Variants in DDX10 observed in about 807,000 individuals in gnomAD.
DDX10 encodes the protein DEAD-box helicase 10.
Under a neutral mutation model 104.3 loss-of-function variants are expected in DDX10, and 74 were observed. The observed-to-expected ratio is 0.71, with a 90% CI of 0.59 to 0.86. The LOEUF (loss-of-function observed/expected upper bound fraction) is 0.86. DDX10 is among the 40% of genes least tolerant of loss of function. The probability of loss-of-function intolerance (pLI) is 0.00; values close to 1 mark genes in which losing one functional copy is unlikely to be tolerated. For missense variants in DDX10, 952 were observed against 1,040.0 expected (o/e 0.92, Z 1.16); for synonymous variants, 351 against 353.4 (o/e 0.99, Z 0.08).
chr11:108,872,358 G>A (rs1863094079), intron 16 of DDX10, among the ~76,000 whole-genome samples: 1 of 152,134 alleles, frequency 6.6e-6, no homozygotes, highest in Non-Finnish European at 1.5e-5. Context: ...TCTTTACTAT[G>A]TTTGGCTATT....
At chr11:108,844,002 A>G (rs1862678367) in intron 15 of DDX10, among the ~76,000 whole-genome samples, 1 of 152,218 alleles carries the variant, frequency 6.6e-6, no homozygotes, top group Non-Finnish European at 1.5e-5. Context: ...CATCATTATT[A>G]GAACACAGCA....
At chr11:108,903,469 T>C (rs1484312588) in intron 16 of DDX10, among the ~76,000 whole-genome samples, 5 of 152,128 alleles carry the variant, frequency 3.3e-5, no homozygotes, top group African/African-American at 1.2e-4. Flanking sequence ...CAGACATGAA[T>C]GAAAAATAGT....
intron 13 of DDX10, among the ~76,000 whole-genome samples, chr11:108,833,804 A>AT (rs1203546304): frequency 1.3e-5 from 2 of 151,468 alleles, no homozygotes; most frequent in Non-Finnish European, 2.9e-5. Flanking sequence ...CATTTTTCTG[A>AT]TTTTTCCCCC....
intron 13 of DDX10, among the ~76,000 whole-genome samples, chr11:108,823,975 C>T (rs550208976): frequency 1.3e-4 from 20 of 152,152 alleles, no homozygotes; most frequent in South Asian, 4.1e-4. Context: ...AGGTGTGGAT[C>T]GCTGAGATAC....
chr11:108,743,280 A>G (rs189177846), intron 13 of DDX10, among the ~76,000 whole-genome samples: 2 of 152,302 alleles, frequency 1.3e-5, no homozygotes, highest in East Asian at 1.9e-4. Context: ...AGCAAAAACC[A>G]CATGATTATC....
intron 13 of DDX10, among the ~76,000 whole-genome samples, chr11:108,764,323 C>A (rs1482041747): frequency 6.6e-6 from 1 of 152,120 alleles, no homozygotes; most frequent in African/African-American, 2.4e-5. Context: ...GGGGGAATAG[C>A]ATCTTGAGGT....
chr11:108,797,233 C>G (rs1385502737), intron 13 of DDX10, among the ~76,000 whole-genome samples: 2 of 152,102 alleles, frequency 1.3e-5, no homozygotes, highest in Non-Finnish European at 2.9e-5. Flanking sequence ...GAGGTTTCAC[C>G]ATGTTGGCCA....
intron 13 of DDX10, among the ~76,000 whole-genome samples, chr11:108,775,194 A>G (rs1308719593): frequency 6.6e-6 from 1 of 152,270 alleles, no homozygotes; most frequent in African/African-American, 2.4e-5. Flanking sequence ...TGAAGGAAAC[A>G]TTGTGAATAT....
intron 16 of DDX10, among the ~76,000 whole-genome samples, chr11:108,875,734 A>G (rs1863144900): frequency 1.3e-5 from 2 of 152,214 alleles, no homozygotes; most frequent in African/African-American, 4.8e-5. Flanking sequence ...CAGTTCATGA[A>G]GCACTTTCAC....
intron 13 of DDX10, among the ~76,000 whole-genome samples, chr11:108,770,905 T>A (rs931624424): frequency 6.6e-6 from 1 of 152,098 alleles, no homozygotes; most frequent in Non-Finnish European, 1.5e-5. Flanking sequence ...TGTTTTTAGT[T>A]TTTTTTTGTG....
intron 13 of DDX10, among the ~76,000 whole-genome samples, chr11:108,833,523 C>T (rs1402200075): frequency 6.6e-6 from 1 of 152,228 alleles, no homozygotes; most frequent in Non-Finnish European, 1.5e-5. Flanking sequence ...TAAGCCTCTT[C>T]TCACCCATGT....
rs535830512 is a variant in DDX10 at position 108,735,259 on chromosome 11, G to A, written c.1965+11797G>A. Among the ~76,000 whole-genome samples the A allele has an allele frequency of 2.8e-4, 43 of 152,310 alleles. No homozygotes were observed. In the South Asian group the frequency reaches 8.7e-3, roughly 31 times the overall value. Reference sequence around the variant, plus strand: ...GTGAAATGCCGGCTTATTAAGTGAAGACTTCATGAAGTTTTTAGAAAAATT... The same window carrying A: ...GTGAAATGCCGGCTTATTAAGTGAAAACTTCATGAAGTTTTTAGAAAAATT... On this transcript the variant is annotated intron_variant, in intron 13 of 17. Transcript: ENST00000322536.
At chr11:108,887,344 C>CT (rs1565309333) in intron 16 of DDX10, among the ~76,000 whole-genome samples, 2 of 151,530 alleles carry the variant, frequency 1.3e-5, no homozygotes, top group African/African-American at 4.9e-5. Context: ...AGTAAGCATT[C>CT]TTTTTTTAAA....
chr11:108,881,333 T>C (rs1863225098), intron 16 of DDX10, among the ~76,000 whole-genome samples: 1 of 152,174 alleles, frequency 6.6e-6, no homozygotes, highest in Non-Finnish European at 1.5e-5. Context: ...AAATTAAAGA[T>C]GAGTAAGCAC....
chr11:108,870,411 G>T (rs142264179), intron 16 of DDX10, among the ~76,000 whole-genome samples: 1 of 152,200 alleles, frequency 6.6e-6, no homozygotes, highest in African/African-American at 2.4e-5. Flanking sequence ...TGTCTACTTT[G>T]TCACAAAAGC....
chr11:108,843,358 A>G (rs1591833132), intron 15 of DDX10, among the ~76,000 whole-genome samples: 1 of 148,814 alleles, frequency 6.7e-6, no homozygotes, highest in South Asian at 2.1e-4. Flanking sequence ...TTAACTGGAT[A>G]TGCTGTTACT....
chr11:108,689,515 T>C (rs920218703), intron 7 of DDX10, among the ~76,000 whole-genome samples: 5 of 152,226 alleles, frequency 3.3e-5, no homozygotes, highest in African/African-American at 7.2e-5. Context: ...TCAAATGTTA[T>C]GCCTGAAAGT....
chr11:108,779,445 C>G (rs1000980075), intron 13 of DDX10, among the ~76,000 whole-genome samples: 83 of 151,920 alleles, frequency 5.5e-4, no homozygotes, highest in African/African-American at 2.0e-3. Flanking sequence ...GACAGAAAAC[C>G]AAACACCACA....
intron 13 of DDX10, among the ~76,000 whole-genome samples, chr11:108,780,440 G>C (rs1462305212): frequency 6.6e-6 from 1 of 152,020 alleles, no homozygotes; most frequent in Non-Finnish European, 1.5e-5. Context: ...TCTTCTCTGT[G>C]CTTCCCTATA....
Sources: allele counts gnomAD v4.1 joint callset (sites outside exome capture counted in the v4.1 genomes callset), GRCh38; gene constraint gnomAD v4.1.1; transcripts MANE v1.5; gene names NCBI Gene and HGNC (gene_info 2026-07-23, HGNC 2026-07-21).